The following SLC7A8 variants were observed in gnomAD, a reference collection of about 807,000 sequenced individuals.
The protein encoded by SLC7A8 is large neutral amino acids transporter small subunit 2.
In SLC7A8, 30 loss-of-function variants were observed where a neutral mutation model predicts 51.2. The ratio of observed to expected loss-of-function variants is 0.59; its 90% CI spans 0.44 to 0.80. The LOEUF (loss-of-function observed/expected upper bound fraction) is 0.80, where lower values mean the gene tolerates loss of function less well. SLC7A8 is among the 30% of genes least tolerant of loss of function. The pLI is 0.00. For missense variants in SLC7A8, 612 were observed against 674.4 expected (o/e 0.91, Z 1.03); for synonymous variants, 257 against 275.8 (o/e 0.93, Z 0.67).
chr14:23,131,127 G>A (rs576832611), intron 8 of SLC7A8, among the ~76,000 whole-genome samples: 108 of 152,336 alleles, frequency 7.1e-4, no homozygotes, highest in Non-Finnish European at 1.2e-3. Flanking sequence ...CAACCCTGTG[G>A]TAACAGGTGC....
rs560785627 is a variant in SLC7A8, at chr14:23,182,251, A to G, written c.151+513T>C. Among the ~76,000 whole-genome samples, 3 of 152,238 alleles carry G rather than the reference A, an allele frequency of 2.0e-5. No homozygotes were observed. In the South Asian group the frequency reaches 6.2e-4, roughly 32 times the overall value. On this transcript the variant is annotated intron_variant, in intron 1 of 10. Coordinates refer to ENST00000316902, the MANE Select transcript of SLC7A8 (RefSeq NM_012244.4). Reference sequence around the variant, plus strand: ...CTACTTCACACAGTAAAAGTGCTGCATAAGGTGGAAAACGCTAAAATAAAA... The same window carrying G: ...CTACTTCACACAGTAAAAGTGCTGCGTAAGGTGGAAAACGCTAAAATAAAA...
At chr14:23,137,827 G>C in intron 7 of SLC7A8, 94 bp downstream of exon 7, 1 of 1,491,310 alleles carries the variant, frequency 6.7e-7, no homozygotes, top group East Asian at 2.3e-5. Context: ...TGCCCACACA[G>C]ACCCCTGCTG....
At position 23,139,357 on chromosome 14, in the gene SLC7A8, T is replaced by C. The variant is rs2048720081; in HGVS notation, c.912+67A>G. 3 of 1,608,416 alleles carry C rather than the reference T, an allele frequency of 1.9e-6. No individual in the cohort carries two copies. In the African/African-American group the frequency reaches 4.0e-5, roughly 22 times the overall value. ...AGGCCATGGATCAGGGAAAAGTGAG[T>C]GGGGCTACAGCAGGCAAGTCTATGT... On this transcript the variant is annotated intron_variant, in intron 6 of 10. Coordinates refer to ENST00000316902, the MANE Select transcript of SLC7A8 (RefSeq NM_012244.4).
rs1158415279 is a variant in SLC7A8, at chr14:23,166,323, C to T, written c.356+13G>A. Reference sequence around the variant, plus strand: ...TTCCCCTAGACCATTCAGGTCTCCACAGATCCTCTTACCCAGCCAGTCCTC... The same window carrying T: ...TTCCCCTAGACCATTCAGGTCTCCATAGATCCTCTTACCCAGCCAGTCCTC... On this transcript the variant is annotated intron_variant, in intron 2 of 10. Coordinates refer to ENST00000316902, the MANE Select transcript of SLC7A8 (RefSeq NM_012244.4). 3 of 1,612,168 alleles carry T rather than the reference C, an allele frequency of 1.9e-6. No individual in the cohort carries two copies. Among genetic ancestry groups the T allele is most frequent in the Non-Finnish European group, 1.7e-6 (2 of 1,179,914 alleles).
intron 3 of SLC7A8, among the ~76,000 whole-genome samples, chr14:23,149,542 T>C (rs2048828144): frequency 6.6e-6 from 1 of 152,098 alleles, no homozygotes; most frequent in African/African-American, 2.4e-5. Context: ...TCAAAGGCCA[T>C]AAAAGAAGTC....
intron 3 of SLC7A8, among the ~76,000 whole-genome samples, chr14:23,161,815 A>T (rs529212359): frequency 0.052 from 7,891 of 151,440 alleles, 727 homozygotes; most frequent in African/African-American, 0.18. Flanking sequence ...TAATCCCAGC[A>T]ACCTGGAAGG....
At chr14:23,180,428 C>G (rs2140343552) in intron 1 of SLC7A8, among the ~76,000 whole-genome samples, 1 of 152,240 alleles carries the variant, frequency 6.6e-6, no homozygotes, top group Non-Finnish European at 1.5e-5. Flanking sequence ...TGGATTTTGT[C>G]CCCTGTTATC....
intron 3 of SLC7A8, among the ~76,000 whole-genome samples, chr14:23,156,080 C>G (rs1054904108): frequency 6.6e-6 from 1 of 151,710 alleles, no homozygotes; most frequent in Admixed American, 6.6e-5. Flanking sequence ...CTCACCGCAA[C>G]CTCTGCCTCC....
At chr14:23,160,432 G>A (rs551502905) in intron 3 of SLC7A8, among the ~76,000 whole-genome samples, 1 of 152,144 alleles carries the variant, frequency 6.6e-6, no homozygotes, top group African/African-American at 2.4e-5. Context: ...TTAGCCGGAC[G>A]TGGTGGCGGG....
intron 3 of SLC7A8, among the ~76,000 whole-genome samples, chr14:23,143,451 G>A (rs2048763753): frequency 6.6e-6 from 1 of 152,258 alleles, no homozygotes; most frequent in South Asian, 2.1e-4. Flanking sequence ...GCCAGAAGTA[G>A]GCATGGAAGT....
chr14:23,133,093 G>A (rs1433664249), intron 7 of SLC7A8, among the ~76,000 whole-genome samples: 1 of 152,160 alleles, frequency 6.6e-6, no homozygotes, highest in Non-Finnish European at 1.5e-5. Context: ...TTTATTGTAT[G>A]TAAATTGTAC....
chr14:23,147,921 C>T (rs142125028), intron 3 of SLC7A8, among the ~76,000 whole-genome samples: 3 of 152,316 alleles, frequency 2.0e-5, no homozygotes, highest in African/African-American at 7.2e-5. Flanking sequence ...ATGCTTTCTG[C>T]AGGACTGGCA....
intron 1 of SLC7A8, among the ~76,000 whole-genome samples, chr14:23,175,104 A>G (rs1235956534): frequency 3.9e-5 from 6 of 152,228 alleles, no homozygotes; most frequent in Non-Finnish European, 8.8e-5. Flanking sequence ...CCCAGCCAAG[A>G]TGCCCCACAC....
chr14:23,155,588 G>GAA (rs58177099), intron 3 of SLC7A8: 35,617 of 903,566 alleles, frequency 0.039, 2,277 homozygotes, highest in African/African-American at 0.25. Context: ...GCGAAAAACT[G>GAA]GACACCAAGA....
intron 7 of SLC7A8, among the ~76,000 whole-genome samples, chr14:23,132,682 C>T (rs1305197023): frequency 5.3e-5 from 8 of 150,328 alleles, no homozygotes; most frequent in African/African-American, 2.0e-4. Flanking sequence ...GTTGCCCAGG[C>T]TGGAGTGCAA....
intron 1 of SLC7A8, among the ~76,000 whole-genome samples, chr14:23,167,360 A>G (rs757387821): frequency 6.6e-6 from 1 of 152,182 alleles, no homozygotes; most frequent in Non-Finnish European, 1.5e-5. Flanking sequence ...TTTACAAACT[A>G]AGAGATTAAG....
intron 3 of SLC7A8, among the ~76,000 whole-genome samples, chr14:23,164,511 G>A (rs973853635): frequency 2.6e-5 from 4 of 152,168 alleles, no homozygotes; most frequent in African/African-American, 9.7e-5. Context: ...CTTGTCATTA[G>A]GCCCAAATCA....
intron 3 of SLC7A8, among the ~76,000 whole-genome samples, chr14:23,149,146 T>A (rs1220662847): frequency 6.6e-6 from 1 of 152,188 alleles, no homozygotes; most frequent in Non-Finnish European, 1.5e-5. Flanking sequence ...CATAGCCGCT[T>A]CGCACTTCTT....
intron 9 of SLC7A8, 24 bp downstream of exon 9, chr14:23,129,626 G>C (rs746664823): frequency 3.7e-6 from 6 of 1,611,892 alleles, no homozygotes; most frequent in Non-Finnish European, 5.1e-6. Flanking sequence ...AAGGGGAGGG[G>C]ACCCCAAAGG....
Sources: allele counts gnomAD v4.1 joint callset (sites outside exome capture counted in the v4.1 genomes callset), GRCh38; gene constraint gnomAD v4.1.1; transcripts MANE v1.5; gene names NCBI Gene and HGNC (gene_info 2026-07-23, HGNC 2026-07-21).